Variants in PALM observed in about 807,000 individuals in gnomAD.
PALM encodes the protein paralemmin-1.
Under a neutral mutation model 30.7 loss-of-function variants are expected in PALM, and 18 were observed. The ratio of observed to expected loss-of-function variants is 0.59; its 90% CI spans 0.41 to 0.87. The LOEUF (loss-of-function observed/expected upper bound fraction) is 0.87, where lower values mean the gene tolerates loss of function less well. Ranked by LOEUF, PALM falls within the 40% of genes least tolerant of loss-of-function variation. PALM has a pLI of 0.00. For synonymous variants in PALM, 286 were observed against 242.8 expected (o/e 1.18, Z -1.66); for missense variants, 529 against 555.4 (o/e 0.95, Z 0.48).
chr19:713,200 TC>T (rs1197456191), intron 1 of PALM, among the ~76,000 whole-genome samples: 1 of 152,004 alleles, frequency 6.6e-6, no homozygotes, highest in Non-Finnish European at 1.5e-5. Context: ...ATATCAGACA[TC>T]CTGGTGTCGG....
rs2032979693 is a variant in PALM at position 734,997 on chromosome 19, T to TA, written c.442+810dup. 19 of 908,564 alleles carry TA rather than the reference T, an allele frequency of 2.1e-5. 1 individual carries two copies. The South Asian group carries it at 6.5e-4, about 31-fold the overall frequency. The allele number at this position is 908,564 out of a possible 1,614,324, so 56.3% of individuals were successfully genotyped here. A position where few individuals can be genotyped will look rare whatever the true frequency, so the allele number is the denominator to read the frequency against. ...TACTGTAGAATTAAAAATTAATCAT[T>TA]AAAAAAATCCAGACAGGCCTCTCAG... On this transcript the variant is annotated intron_variant, in intron 6 of 8. Coordinates refer to ENST00000338448, the MANE Select transcript of PALM (RefSeq NM_002579.3).
At chr19:729,282 A>G (rs2032790056) in intron 4 of PALM, among the ~76,000 whole-genome samples, 1 of 151,270 alleles carries the variant, frequency 6.6e-6, no homozygotes, top group Non-Finnish European at 1.5e-5. Flanking sequence ...GCCGAGATCA[A>G]GCCACTGCAC....
At position 731,113 on chromosome 19, in the gene PALM, G is replaced by A. The variant is rs752808504; in HGVS notation, c.288G>A (p.Glu96=). 5.6e-6 allele frequency: 9 copies of A among 1,594,504 alleles called. No individual in the cohort carries two copies. The highest frequency in any genetic ancestry group is 1.3e-5 in the African/African-American group (1 of 74,120). The change falls in exon 5 of 9, where the codon GAG becomes GAA. Residue 96 remains glutamate (E), a synonymous_variant. Transcript: ENST00000338448. The part of the protein sequence containing the change: ...DSVSRLEKEI[E]VLERGDSAPA... The stretch of plus-strand genomic sequence containing the variant: ...TCCCCAGGTTGGAGAAGGAAATTGA[G>A]GTGCTGGAGCGTGGAGACTCCGCCC...
intron 1 of PALM, among the ~76,000 whole-genome samples, chr19:720,203 C>G (rs1454300088): frequency 6.6e-6 from 1 of 151,824 alleles, no homozygotes; most frequent in South Asian, 2.1e-4. Flanking sequence ...GCTGCGCCGG[C>G]CCCACCCCCG....
rs1187541752 is a variant in PALM at position 731,178 on chromosome 19, T to G, written c.353T>G (p.Val118Gly). 2.5e-6 allele frequency: 4 copies of G among 1,609,848 alleles called. No homozygotes were observed. In the African/African-American group the frequency reaches 5.3e-5, roughly 22 times the overall value. ...GAGAACGCGGCGGCCCCGAGCCCAG[T>G]CCGGGCCCCAGCCCCGAGTCCAGCC... ...AKENAAAPSP[V>G]RAPAPSPAKE... The change falls in exon 5 of 9, where the codon GTC becomes GGC. Residue 118 changes from valine (V) to glycine (G), a missense_variant. By Grantham distance (109) the Val-to-Gly change is moderately radical (BLOSUM62 -3). Transcript: ENST00000338448.
In PALM at chr19:740,368, G is replaced by A. The variant is rs780661993; in HGVS notation, c.519G>A (p.Glu173=). ...TCGTGCCAGCCATGTACTCGGTTGA[G>A]ATCACTGTGGAGAAGGACAAGGTGA... ...PMMKAAMYSV[E]ITVEKDKVTG... is the part of the protein sequence containing the mutation. Residue 173 remains glutamate (E), a synonymous_variant, in exon 8 of 9, where the codon GAG becomes GAA. Coordinates refer to ENST00000338448, the MANE Select transcript of PALM (RefSeq NM_002579.3). 2.6e-6 allele frequency: 4 copies of A among 1,565,974 alleles called. No homozygotes were observed. In the Admixed American group the frequency reaches 5.7e-5, roughly 22 times the overall value.
chr19:717,844 G>T (rs1421601283), intron 1 of PALM, among the ~76,000 whole-genome samples: 1 of 152,164 alleles, frequency 6.6e-6, no homozygotes, highest in Non-Finnish European at 1.5e-5. Context: ...TTGAGCACCT[G>T]CTGTATGCCT....
At chr19:744,376 G>A (rs2033275782) in intron 8 of PALM, among the ~76,000 whole-genome samples, 2 of 148,694 alleles carry the variant, frequency 1.3e-5, no homozygotes, top group African/African-American at 4.9e-5. Flanking sequence ...CTCCAGCCTG[G>A]GCGACAGAGC....
chr19:723,286 G>C (rs780281723), intron 1 of PALM, among the ~76,000 whole-genome samples: 3 of 152,104 alleles, frequency 2.0e-5, no homozygotes, highest in Non-Finnish European at 4.4e-5. Flanking sequence ...ACCAGGCTGA[G>C]AGGGCTGGGG....
At chr19:714,750 C>T (rs1318881953) in intron 1 of PALM, among the ~76,000 whole-genome samples, 3 of 152,060 alleles carry the variant, frequency 2.0e-5, no homozygotes, top group Admixed American at 6.6e-5. Flanking sequence ...CCCGGGCTCA[C>T]GGGATCCTCC....
chr19:720,650 G>A (rs2032446231), intron 1 of PALM, among the ~76,000 whole-genome samples: 1 of 151,348 alleles, frequency 6.6e-6, no homozygotes. Context: ...GGGGGCCAGG[G>A]GGGCGCGTCC....
chr19:731,336 G>GACATGGA, intron 5 of PALM, 91 bp downstream of exon 5: 1 of 1,200,672 alleles, frequency 8.3e-7, no homozygotes, highest in Non-Finnish European at 1.2e-6. Flanking sequence ...CAGCGTAGCT[G>GACATGGA]AGGGGACAGG....
At chr19:722,628 C>G (rs1204752728) in intron 1 of PALM, 1 of 152,224 alleles carries the variant, frequency 6.6e-6, no homozygotes, top group Non-Finnish European at 1.5e-5. Flanking sequence ...GAGGCCTGGG[C>G]TAGGGTGGGG....
In PALM at chr19:747,224, G is replaced by C. The variant is rs889731651; in HGVS notation, c.*410G>C. On this transcript the variant is annotated 3_prime_UTR_variant, in exon 9 of 9. Transcript: ENST00000338448. Reference sequence around the variant, plus strand: ...GTGCCTTTCTCTGAGGGGACACCCCGCCAGAGAGGGCCCCGGGAGCCGGGG... The same window carrying C: ...GTGCCTTTCTCTGAGGGGACACCCCCCCAGAGAGGGCCCCGGGAGCCGGGG... 1 of 178,144 alleles carries C rather than the reference G, an allele frequency of 5.6e-6. No individual in the cohort carries two copies. Among genetic ancestry groups the C allele is most frequent in the African/African-American group, 2.4e-5 (1 of 41,770 alleles). The allele number at this position is 178,144 out of a possible 1,614,324, so 11.0% of individuals were successfully genotyped here.
chr19:746,714 C>T lies in PALM; in HGVS notation c.1064C>T (p.Ala355Val), dbSNP rs1281957945. ...GSAAEPPTEA[A>V]SREENQAGPE... Reference sequence around the variant, plus strand: ...GCTGCCGAGCCTCCCACGGAGGCCGCCTCCAGGGAAGAGAATCAGGCGGGG... The same window carrying T: ...GCTGCCGAGCCTCCCACGGAGGCCGTCTCCAGGGAAGAGAATCAGGCGGGG... The change falls in exon 9 of 9, where the codon GCC becomes GTC. Residue 355 changes from alanine to valine, a missense_variant. By Grantham distance (64) the Ala-to-Val change is moderately conservative. Coordinates refer to ENST00000338448, the MANE Select transcript of PALM (RefSeq NM_002579.3). This position sits in a 1 kb window ranked among gnomAD's most constrained non-coding sequence, Gnocchi z 7.1. 1 of 1,607,000 alleles carries T rather than the reference C, an allele frequency of 6.2e-7. No homozygotes were observed. The highest frequency in any genetic ancestry group is 1.3e-5 in the African/African-American group (1 of 74,782).
chr19:740,394 CA>C lies in PALM; in HGVS notation c.546del (p.Glu184ArgfsTer44). 6.4e-7 allele frequency: 1 copy of C among 1,559,154 alleles called. No homozygotes were observed. The highest frequency in any genetic ancestry group is 8.7e-7 in the Non-Finnish European group (1 of 1,151,208). The stretch of plus-strand genomic sequence containing the variant: ...ATCACTGTGGAGAAGGACAAGGTGA[CA>C]GGGGAGACCAGGGTGCTGTCCAGCA... ...VEITVEKDKV[T>X]GETRVLSSTT... On this transcript the variant is annotated frameshift_variant, in exon 8 of 9. Transcript: ENST00000338448. LOFTEE classifies it high-confidence loss of function.
At chr19:712,464 A>T (rs2032110400) in intron 1 of PALM, among the ~76,000 whole-genome samples, 1 of 150,488 alleles carries the variant, frequency 6.6e-6, no homozygotes, top group South Asian at 2.1e-4. Flanking sequence ...GCTCACTGCA[A>T]CCTCTGCCTC....
chr19:735,390 G>A (rs146522554), intron 6 of PALM, among the ~76,000 whole-genome samples: 3,891 of 134,242 alleles, frequency 0.029, 98 homozygotes, highest in East Asian at 0.052. Flanking sequence ...CTGTCTGGAT[G>A]TCTGGGGGCC....
chr19:725,713 T>A (rs1332912935), intron 1 of PALM, among the ~76,000 whole-genome samples: 2 of 151,946 alleles, frequency 1.3e-5, no homozygotes, highest in Non-Finnish European at 2.9e-5. Flanking sequence ...TCTTTCATCC[T>A]CTGTTTGCCC....
Sources: gnomAD v4.1 joint callset for allele counts (sites outside exome capture counted in the v4.1 genomes callset) on GRCh38, gnomAD v4.1.1 for gene constraint, Gnocchi (gnomAD v3.1) non-coding constraint, MANE v1.5 for transcripts, NCBI Gene and HGNC (gene_info 2026-07-23, HGNC 2026-07-21) for gene names.